KSR1: variants seen among roughly 807,000 people sequenced by gnomAD.
KSR1 encodes the protein kinase suppressor of ras.
In KSR1, 35 loss-of-function variants were observed where a neutral mutation model predicts 92.9. The observed-to-expected ratio is 0.38, with a 90% CI of 0.29 to 0.50. The LOEUF is 0.50. KSR1 is among the 20% of genes least tolerant of loss of function. The pLI is 0.94. For missense variants in KSR1, 972 were observed against 1,158.5 expected (o/e 0.84, Z 2.34); for synonymous variants, 467 against 472.6 (o/e 0.99, Z 0.15).
intron 1 of KSR1, among the ~76,000 whole-genome samples, chr17:27,485,836 C>G (rs768003152): frequency 2.6e-5 from 4 of 152,152 alleles, no homozygotes; most frequent in African/African-American, 7.2e-5. Context: ...ACCCCAAAAC[C>G]TTGATTTCCT....
At chr17:27,549,731 T>C (rs908257357) in intron 1 of KSR1, among the ~76,000 whole-genome samples, 1 of 152,218 alleles carries the variant, frequency 6.6e-6, no homozygotes, top group African/African-American at 2.4e-5. Flanking sequence ...TCAGTGGTCA[T>C]GGCTACACTT....
At chr17:27,596,031 T>C (rs1328923158) in intron 9 of KSR1, among the ~76,000 whole-genome samples, 1 of 152,142 alleles carries the variant, frequency 6.6e-6, no homozygotes, top group East Asian at 1.9e-4. Context: ...AAACCATCTT[T>C]ATGGTTTCTG....
chr17:27,556,619 A>G (rs1452998010), intron 2 of KSR1, among the ~76,000 whole-genome samples: 2 of 152,206 alleles, frequency 1.3e-5, no homozygotes, highest in African/African-American at 2.4e-5. Context: ...GCTGGGCAGT[A>G]GTTAAGACCC....
At chr17:27,466,359 G>A (rs1665680732) in intron 1 of KSR1, among the ~76,000 whole-genome samples, 4 of 152,184 alleles carry the variant, frequency 2.6e-5, no homozygotes, top group Admixed American at 1.3e-4. Flanking sequence ...GGGAAATAGG[G>A]TGTCTCCTGG....
intron 1 of KSR1, among the ~76,000 whole-genome samples, chr17:27,528,698 A>C (rs1226880783): frequency 6.6e-6 from 1 of 152,158 alleles, no homozygotes; most frequent in Non-Finnish European, 1.5e-5. Context: ...CAGGAGCTTG[A>C]GACCAGCCTG....
chr17:27,458,983 A>G (rs2019310869), intron 1 of KSR1, among the ~76,000 whole-genome samples: 1 of 152,200 alleles, frequency 6.6e-6, no homozygotes, highest in Non-Finnish European at 1.5e-5. Context: ...TTGTTTTTAT[A>G]CTACCCTGGT....
intron 1 of KSR1, among the ~76,000 whole-genome samples, chr17:27,541,678 G>C (rs764716820): frequency 2.0e-5 from 3 of 152,244 alleles, no homozygotes; most frequent in Non-Finnish European, 2.9e-5. Context: ...GGTGCATAGA[G>C]AGCATTAGAT....
intron 1 of KSR1, among the ~76,000 whole-genome samples, chr17:27,468,830 G>A (rs2019833362): frequency 6.6e-6 from 1 of 152,166 alleles, no homozygotes; most frequent in Admixed American, 6.5e-5. Context: ...TCAGACGGCT[G>A]GGTGCTTTCC....
intron 18 of KSR1, among the ~76,000 whole-genome samples, chr17:27,615,902 C>G (rs937859114): frequency 6.6e-6 from 1 of 152,194 alleles, no homozygotes; most frequent in East Asian, 1.9e-4. Flanking sequence ...TAATAATTTT[C>G]CCTGAGAACA....
At chr17:27,611,443 G>T in intron 17 of KSR1, 51 bp from the exon 18 acceptor site, 1 of 1,612,022 alleles carries the variant, frequency 6.2e-7, no homozygotes, top group Non-Finnish European at 8.5e-7. Flanking sequence ...CCCTGGGCTT[G>T]AGCTGGGCAC....
chr17:27,526,664 A>C (rs1224943547), intron 1 of KSR1: 2 of 1,555,956 alleles, frequency 1.3e-6, no homozygotes, highest in South Asian at 2.2e-5. Context: ...GATTTTGCTC[A>C]TGTAGTTTTT....
At chr17:27,484,184 G>A (rs1004673950) in intron 1 of KSR1, among the ~76,000 whole-genome samples, 3 of 152,194 alleles carry the variant, frequency 2.0e-5, no homozygotes, top group African/African-American at 7.2e-5. Context: ...CCCTTCCTTC[G>A]AGGAGGGTTC....
At chr17:27,616,860 A>C (rs968368636) in intron 18 of KSR1, among the ~76,000 whole-genome samples, 2 of 151,724 alleles carry the variant, frequency 1.3e-5, no homozygotes, top group South Asian at 2.1e-4. Context: ...TCTTCTTGTC[A>C]CTCCAGCCGC....
Position 27,536,799 on chromosome 17 carries a change from G to T in KSR1, c.232-13769G>T, listed in dbSNP as rs531681478. 2.0e-5 allele frequency among the ~76,000 whole-genome samples: 3 copies of T among 152,362 alleles called. No homozygotes were observed. The South Asian group carries it at 6.2e-4, about 32-fold the overall frequency. On this transcript the variant is annotated intron_variant, in intron 1 of 20. Coordinates refer to ENST00000644974, the MANE Select transcript of KSR1 (RefSeq NM_001394583.1). ...CCATTCCATCAGGGGCAGGCCCAGG[G>T]CCACTCATTATGGTCTCTTCATCAC...
intron 1 of KSR1, among the ~76,000 whole-genome samples, chr17:27,468,865 G>T (rs1431220401): frequency 6.6e-6 from 1 of 152,166 alleles, no homozygotes; most frequent in Admixed American, 6.5e-5. Flanking sequence ...TCCTGCCAGA[G>T]ACTGAGATGA....
At chr17:27,524,405 ATG>A (rs2070167031) in intron 1 of KSR1, among the ~76,000 whole-genome samples, 1 of 152,176 alleles carries the variant, frequency 6.6e-6, no homozygotes, top group Admixed American at 6.5e-5. Flanking sequence ...CTTGAAGGGA[ATG>A]AGAGAGAGAA....
At chr17:27,533,789 G>A (rs2070644991) in intron 1 of KSR1, among the ~76,000 whole-genome samples, 1 of 152,212 alleles carries the variant, frequency 6.6e-6, no homozygotes, top group Admixed American at 6.5e-5. Context: ...TTAAAGCAGT[G>A]TCTAGCGCAT....
rs569070251 is a variant in KSR1, at chr17:27,456,702, G to C, written c.59G>C (p.Gly20Ala). 2.2e-4 allele frequency: 186 copies of C among 828,710 alleles called. No individual in the cohort carries two copies. Among genetic ancestry groups the C allele is most frequent in the African/African-American group, 1.7e-3 (101 of 58,970 alleles). The allele number at this position is 828,710 out of a possible 1,614,324, so 51.3% of individuals were successfully genotyped here. ...GGAGAGAAGAAGGAGGGCGGTGGCGGGGGGGATGCGGCGGCCGCGGAGGGA... is the reference window on the plus strand; with the variant it reads ...GGAGAGAAGAAGGAGGGCGGTGGCGCGGGGGATGCGGCGGCCGCGGAGGGA... ...AMGEKKEGGG[G>A]GDAAAAEGGA... Residue 20 changes from glycine to alanine, a missense_variant, in exon 1 of 21, where the codon GGG becomes GCG. By Grantham distance (60) the Gly-to-Ala change is moderately conservative. Coordinates refer to ENST00000644974, the MANE Select transcript of KSR1 (RefSeq NM_001394583.1).
chr17:27,568,594 G>A (rs2072178522), intron 2 of KSR1, among the ~76,000 whole-genome samples: 1 of 152,180 alleles, frequency 6.6e-6, no homozygotes, highest in South Asian at 2.1e-4. Context: ...AGATGCCGGG[G>A]ACATGGCCAC....
Sources: allele counts gnomAD v4.1 joint callset (sites outside exome capture counted in the v4.1 genomes callset), GRCh38; gene constraint gnomAD v4.1.1; transcripts MANE v1.5; gene names NCBI Gene and HGNC (gene_info 2026-07-23, HGNC 2026-07-21).